GABRA2: variants seen among roughly 807,000 people sequenced by gnomAD.
The protein encoded by GABRA2 is gamma-aminobutyric acid type A receptor subunit alpha2.
In GABRA2, 16 loss-of-function variants were observed where a neutral mutation model predicts 48.7. The observed-to-expected ratio is 0.33, with a 90% confidence interval of 0.22 to 0.50. The LOEUF is 0.50. GABRA2 is among the 20% of genes least tolerant of loss of function. GABRA2 has a pLI of 0.98. For missense variants in GABRA2, 275 were observed against 535.6 expected, an observed-to-expected ratio of 0.51 and a Z score of 4.80; for synonymous variants, 185 against 184.5, an observed-to-expected ratio of 1.00 and a Z score of -0.02.
At chr4:46,375,456 A>G (rs1197397113) in intron 3 of GABRA2, among the ~76,000 whole-genome samples, 1 of 152,150 alleles carries the variant, frequency 6.6e-6, no homozygotes, top group Admixed American at 6.5e-5. Flanking sequence ...CTCAAAACAA[A>G]TAAGTTTTTC....
At chr4:46,279,276 C>T (rs1008249540) in intron 8 of GABRA2, among the ~76,000 whole-genome samples, 4 of 152,050 alleles carry the variant, frequency 2.6e-5, no homozygotes, top group African/African-American at 7.2e-5. Flanking sequence ...ACTTAACTCC[C>T]GTTGAATTGA....
rs1438001068 is a variant in GABRA2, at chr4:46,388,951, T to C, written c.-10-235A>G. ...CTTTCTTTTTTTCTTTCTTTCTTTC[T>C]TTAACAGCAAGATGACCAAGTAATC... On this transcript the variant is annotated intron_variant, in intron 1 of 9. Coordinates refer to ENST00000381620, the MANE Select transcript of GABRA2 (RefSeq NM_000807.4). The C allele has an allele frequency of 8.4e-6, 11 of 1,305,862 alleles. No individual in the cohort carries two copies. The African/African-American group carries it at 1.2e-4, about 14-fold the overall frequency. The allele number at this position is 1,305,862 out of a possible 1,614,324, so 80.9% of individuals were successfully genotyped here.
intron 3 of GABRA2, among the ~76,000 whole-genome samples, chr4:46,378,292 CTT>C (rs1359193469): frequency 2.0e-5 from 3 of 152,016 alleles, no homozygotes; most frequent in Admixed American, 2.0e-4. Context: ...ACGTGGGAGA[CTT>C]TTCATTTTGT....
At chr4:46,360,722 C>T (rs569998060) in intron 3 of GABRA2, among the ~76,000 whole-genome samples, 5 of 152,242 alleles carry the variant, frequency 3.3e-5, no homozygotes, top group African/African-American at 9.6e-5. Context: ...CAGAAGAAGA[C>T]AAGAAAATGT....
intron 3 of GABRA2, among the ~76,000 whole-genome samples, chr4:46,343,015 C>T (rs1170456402): frequency 1.3e-5 from 2 of 151,856 alleles, no homozygotes; most frequent in African/African-American, 2.4e-5. Context: ...ATGCCTGACA[C>T]TTTCTAAGCT....
intron 9 of GABRA2, 42 bp downstream of exon 9, chr4:46,261,884 G>A (rs765684890): frequency 6.8e-7 from 1 of 1,460,922 alleles, no homozygotes. Flanking sequence ...GAATTCATTA[G>A]GGTATTTTCT....
chr4:46,318,592 A>G (rs2109735382), intron 4 of GABRA2, among the ~76,000 whole-genome samples: 1 of 151,778 alleles, frequency 6.6e-6, no homozygotes, highest in South Asian at 2.1e-4. Context: ...ATATATACTA[A>G]CAGAGTTATT....
intron 3 of GABRA2, among the ~76,000 whole-genome samples, chr4:46,379,639 T>G (rs1716486226): frequency 6.6e-6 from 1 of 152,144 alleles, no homozygotes; most frequent in South Asian, 2.1e-4. Flanking sequence ...GTTATCCTAC[T>G]CAGTGAACTT....
chr4:46,290,184 G>A (rs1163562885), intron 8 of GABRA2, among the ~76,000 whole-genome samples: 1 of 151,334 alleles, frequency 6.6e-6, no homozygotes, highest in Non-Finnish European at 1.5e-5. Flanking sequence ...GATTGCAGAC[G>A]CCAGCCACCG....
chr4:46,293,510 T>C (rs1724064942), intron 8 of GABRA2, among the ~76,000 whole-genome samples: 1 of 152,164 alleles, frequency 6.6e-6, no homozygotes, highest in African/African-American at 2.4e-5. Flanking sequence ...TAGGGGCTTA[T>C]GGAGGTCAGG....
intron 4 of GABRA2, among the ~76,000 whole-genome samples, chr4:46,325,419 T>C (rs1158702266): frequency 6.6e-6 from 1 of 151,998 alleles, no homozygotes; most frequent in Non-Finnish European, 1.5e-5. Flanking sequence ...TTTTCCATGT[T>C]TTAATGAGAT....
chr4:46,306,168 A>G (rs1200208742), intron 6 of GABRA2, among the ~76,000 whole-genome samples: 5 of 152,252 alleles, frequency 3.3e-5, no homozygotes, highest in Admixed American at 3.3e-4. Flanking sequence ...TGAGTTAGCT[A>G]TCATAATACA....
chr4:46,376,016 T>A (rs1184360943), intron 3 of GABRA2, among the ~76,000 whole-genome samples: 2 of 152,158 alleles, frequency 1.3e-5, no homozygotes, highest in Non-Finnish European at 2.9e-5. Flanking sequence ...TGTTCTGTGG[T>A]TTCAAGCTAT....
chr4:46,330,562 G>T (rs975696348), intron 4 of GABRA2, among the ~76,000 whole-genome samples: 2 of 40,038 alleles, frequency 5.0e-5, no homozygotes, highest in East Asian at 6.9e-4. Flanking sequence ...ATGTATATAT[G>T]CATATATATA....
At chr4:46,321,952 A>T (rs1193666470) in intron 4 of GABRA2, among the ~76,000 whole-genome samples, 1 of 152,014 alleles carries the variant, frequency 6.6e-6, no homozygotes, top group Non-Finnish European at 1.5e-5. Context: ...TAAGGAGGTC[A>T]CTGAGAAGAC....
chr4:46,363,994 C>A (rs1291065458), intron 3 of GABRA2: 1 of 152,084 alleles, frequency 6.6e-6, no homozygotes, highest in Non-Finnish European at 1.5e-5. Context: ...TTTTCTCTTG[C>A]GGAAGACTCA....
chr4:46,385,899 G>A (rs934580275), intron 3 of GABRA2, among the ~76,000 whole-genome samples, 175 bp downstream of exon 3: 1 of 152,002 alleles, frequency 6.6e-6, no homozygotes, highest in Admixed American at 6.6e-5. Context: ...AATACATTAT[G>A]TATGTATAAA....
intron 9 of GABRA2, among the ~76,000 whole-genome samples, chr4:46,257,409 G>T (rs1228757832): frequency 6.6e-6 from 1 of 151,464 alleles, no homozygotes; most frequent in East Asian, 1.9e-4. Flanking sequence ...GCTAGTAATG[G>T]TTAGAGAAAG....
intron 3 of GABRA2, among the ~76,000 whole-genome samples, chr4:46,338,493 T>C (rs1354752262): frequency 6.6e-6 from 1 of 151,894 alleles, no homozygotes; most frequent in Non-Finnish European, 1.5e-5. Flanking sequence ...ATAGTGAAAA[T>C]AAAAATCAGG....
Sources: allele counts gnomAD v4.1 joint callset (sites outside exome capture counted in the v4.1 genomes callset), GRCh38; gene constraint gnomAD v4.1.1; transcripts MANE v1.5; gene names NCBI Gene and HGNC (gene_info 2026-07-23, HGNC 2026-07-21).